The following TOX3 variants were observed in gnomAD, a reference collection of about 807,000 sequenced individuals.
TOX3 encodes CAG trinucleotide repeat-containing gene F9 protein.
Under a neutral mutation model 64.3 loss-of-function variants are expected in TOX3, and 22 were observed. The ratio of observed to expected loss-of-function variants is 0.34; its 90% CI spans 0.24 to 0.49. The LOEUF is 0.49. TOX3 is among the 20% of genes least tolerant of loss of function. The pLI is 0.99. For missense variants in TOX3, 661 were observed against 714.4 expected (o/e 0.93, Z 0.85); for synonymous variants, 291 against 273.6 (o/e 1.06, Z -0.63).
intron 3 of TOX3, among the ~76,000 whole-genome samples, chr16:52,462,805 A>T (rs1206083427): frequency 6.6e-6 from 1 of 151,914 alleles, no homozygotes; most frequent in Non-Finnish European, 1.5e-5. Flanking sequence ...ATACTTAATG[A>T]CTATTTCCCG....
rs1960299857 is a variant in TOX3, at chr16:52,450,418, C to T, written c.537G>A (p.Gln179=). The T allele has an allele frequency of 6.2e-7, 1 of 1,613,884 alleles. No individual in the cohort carries two copies. ...MPPAQLTTIN[Q]SQLSAQLGLN... ...ACCCCAACTGGGCGCTGAGCTGAGA[C>T]TGGTTGATGGTGGTGAGCTGGGCAG... is the stretch of plus-strand genomic sequence containing the variant. The change falls in exon 4 of 7, where the codon CAG becomes CAA. Residue 179 remains glutamine (Q), a synonymous_variant. Transcript: ENST00000219746.
intron 6 of TOX3, 120 bp from the exon 7 acceptor site, chr16:52,440,088 G>A (rs1343197584): frequency 1.4e-5 from 11 of 799,084 alleles, no homozygotes; most frequent in Non-Finnish European, 2.1e-5. Flanking sequence ...ATGCCCTCCT[G>A]TATGTGTACT....
At chr16:52,519,056 C>T (rs1349684070) in intron 1 of TOX3, among the ~76,000 whole-genome samples, 1 of 152,156 alleles carries the variant, frequency 6.6e-6, no homozygotes, top group Non-Finnish European at 1.5e-5. Flanking sequence ...ATAGTAAGGA[C>T]GACTCACAAG....
chr16:52,480,200 G>A (rs1423537887), intron 1 of TOX3, among the ~76,000 whole-genome samples: 1 of 152,156 alleles, frequency 6.6e-6, no homozygotes, highest in African/African-American at 2.4e-5. Flanking sequence ...CTTCAATGTG[G>A]TTAAAGACAC....
intron 3 of TOX3, among the ~76,000 whole-genome samples, chr16:52,454,501 G>C (rs1960456374): frequency 6.6e-6 from 1 of 152,172 alleles, no homozygotes; most frequent in Non-Finnish European, 1.5e-5. Context: ...TCCTATGAGT[G>C]AAGATTATAG....
chr16:52,464,263 G>A, intron 2 of TOX3, 75 bp from the exon 3 acceptor site: 1 of 1,370,980 alleles, frequency 7.3e-7, no homozygotes, highest in Non-Finnish European at 9.5e-7. Context: ...GAAAGAGAAA[G>A]ACATTGCATG....
At chr16:52,482,753 A>G (rs1036458190) in intron 1 of TOX3, among the ~76,000 whole-genome samples, 4 of 152,210 alleles carry the variant, frequency 2.6e-5, no homozygotes, top group Non-Finnish European at 4.4e-5. Flanking sequence ...ACATATTACC[A>G]TACACACTGA....
intron 1 of TOX3, 74 bp from the exon 2 acceptor site, chr16:52,468,648 C>T (rs1235755588): frequency 9.0e-6 from 11 of 1,217,684 alleles, no homozygotes; most frequent in African/African-American, 1.5e-5. Flanking sequence ...GGAAAGAATG[C>T]TGGTGTTGCT....
intron 1 of TOX3, among the ~76,000 whole-genome samples, chr16:52,525,596 G>C (rs1230382939): frequency 2.0e-5 from 3 of 152,150 alleles, no homozygotes; most frequent in Non-Finnish European, 4.4e-5. Context: ...ACTAAAAAGA[G>C]GGGCTCATCT....
At position 52,438,895 on chromosome 16, in the gene TOX3, G is replaced by A. The variant is rs72805466; in HGVS notation, c.*330C>T. Reference sequence around the variant, plus strand: ...TAAGGCCATTTTTCTATGACTCAGAGAGGCCAGTTTATAGTCATCAGTATG... The same window carrying A: ...TAAGGCCATTTTTCTATGACTCAGAAAGGCCAGTTTATAGTCATCAGTATG... On this transcript the variant is annotated 3_prime_UTR_variant, in exon 7 of 7. Transcript: ENST00000219746. 1 of 534,486 alleles carries A rather than the reference G, an allele frequency of 1.9e-6. No individual in the cohort carries two copies. Among genetic ancestry groups the A allele is most frequent in the Non-Finnish European group, 3.7e-6 (1 of 271,202 alleles). 33.1% of individuals were successfully genotyped at this position (534,486 alleles called of 1,614,324 possible). A position where few individuals can be genotyped will look rare whatever the true frequency, so the allele number is the denominator to read the frequency against.
intron 1 of TOX3, among the ~76,000 whole-genome samples, chr16:52,545,972 G>T (rs1963169642): frequency 6.6e-6 from 1 of 152,100 alleles, no homozygotes; most frequent in African/African-American, 2.4e-5. Context: ...CGATCTCCCC[G>T]AAATGCAAAA....
At chr16:52,532,076 A>G (rs1332261485) in intron 1 of TOX3, among the ~76,000 whole-genome samples, 4 of 152,208 alleles carry the variant, frequency 2.6e-5, no homozygotes, top group African/African-American at 9.7e-5. Flanking sequence ...GACGGCAGAC[A>G]GGGAAGCGGT....
At chr16:52,484,054 T>C (rs1961442425) in intron 1 of TOX3, among the ~76,000 whole-genome samples, 1 of 152,098 alleles carries the variant, frequency 6.6e-6, no homozygotes, top group Non-Finnish European at 1.5e-5. Flanking sequence ...GATAATAACA[T>C]GGGGTTACAT....
intron 1 of TOX3, among the ~76,000 whole-genome samples, 180 bp downstream of exon 1, chr16:52,546,457 G>C: frequency 6.6e-6 from 1 of 152,194 alleles, no homozygotes; most frequent in East Asian, 1.9e-4. Context: ...AAAAAGCGGC[G>C]TGGGATGGGG....
chr16:52,512,904 A>G (rs2035025013), intron 1 of TOX3, among the ~76,000 whole-genome samples: 1 of 152,252 alleles, frequency 6.6e-6, no homozygotes. Context: ...GGAAGGAAAG[A>G]GCTAGAGAAC....
chr16:52,527,770 C>T (rs1450314254), intron 1 of TOX3, among the ~76,000 whole-genome samples: 1 of 152,122 alleles, frequency 6.6e-6, no homozygotes, highest in African/African-American at 2.4e-5. Context: ...GATAGATGCC[C>T]TTTGTAACAA....
chr16:52,489,096 C>T (rs939587826), intron 1 of TOX3, among the ~76,000 whole-genome samples: 1 of 152,136 alleles, frequency 6.6e-6, no homozygotes, highest in Non-Finnish European at 1.5e-5. Context: ...CTTTGCCCAG[C>T]AAAACATATT....
intron 1 of TOX3, among the ~76,000 whole-genome samples, chr16:52,540,814 C>T (rs897670279): frequency 3.3e-5 from 5 of 152,310 alleles, no homozygotes; most frequent in Admixed American, 3.3e-4. Context: ...ACTGATAAAA[C>T]TCCAAGGATA....
rs1959804802 is a variant in TOX3, at chr16:52,438,100, T to C, written c.*1125A>G. The C allele has an allele frequency of 6.5e-6, 1 of 152,672 alleles. No homozygotes were observed. Among genetic ancestry groups the C allele is most frequent in the Admixed American group, 6.5e-5 (1 of 15,280 alleles). 9.5% of individuals were successfully genotyped at this position (152,672 alleles called of 1,614,324 possible). A position where few individuals can be genotyped will look rare whatever the true frequency, so the allele number is the denominator to read the frequency against. On this transcript the variant is annotated 3_prime_UTR_variant, in exon 7 of 7. Transcript: ENST00000219746. Reference sequence around the variant, plus strand: ...AGTTTTTACTGAAATGTGTTTATTCTATAGCAAGATAAAAGCATTTTTGTT... The same window carrying C: ...AGTTTTTACTGAAATGTGTTTATTCCATAGCAAGATAAAAGCATTTTTGTT...
Sources: allele counts gnomAD v4.1 joint callset (sites outside exome capture counted in the v4.1 genomes callset), GRCh38; gene constraint gnomAD v4.1.1; transcripts MANE v1.5; gene names NCBI Gene and HGNC (gene_info 2026-07-23, HGNC 2026-07-21).